The following DLGAP2 variants were observed in gnomAD, a reference collection of about 807,000 sequenced individuals.
The protein encoded by DLGAP2 is disks large-associated protein 2.
In DLGAP2, 26 loss-of-function variants were observed where a neutral mutation model predicts 100.3. The observed-to-expected ratio is 0.26, with a 90% CI of 0.19 to 0.36. The LOEUF (loss-of-function observed/expected upper bound fraction) is 0.36. Among genes scored for constraint, DLGAP2 ranks in the 10% least tolerant of loss-of-function variants. The pLI is 1.00. For missense variants in DLGAP2, 1,858 were observed against 1,453.2 expected (o/e 1.28, Z -4.53); for synonymous variants, 886 against 630.1 (o/e 1.41, Z -6.08).
Position 1,610,808 on chromosome 8 carries a change from C to T in DLGAP2, c.1443-15932C>T, listed in dbSNP as rs532917592. Among the ~76,000 whole-genome samples the T allele has an allele frequency of 1.4e-4, 18 of 127,640 alleles. No individual in the cohort carries two copies. In the South Asian group the frequency reaches 3.7e-3, roughly 26 times the overall value. The allele number at this position is 127,640 out of a possible 152,430, so 83.7% of individuals were successfully genotyped here. ...ATCTAGAAGAAATTAATAAATTGCT[C>T]GACACATACACTGTCCCAAGACTAA... On this transcript the variant is annotated intron_variant, in intron 6 of 14. Transcript: ENST00000637795.
At chr8:1,680,856 T>A (rs192263182) in intron 12 of DLGAP2, 18 of 152,336 alleles carry the variant, frequency 1.2e-4, no homozygotes, top group African/African-American at 4.1e-4. Context: ...AAAAACTGCA[T>A]TGCCTAAGTT....
intron 2 of DLGAP2, among the ~76,000 whole-genome samples, chr8:983,316 G>A (rs886532971): frequency 2.0e-5 from 3 of 150,846 alleles, no homozygotes; most frequent in Admixed American, 1.3e-4. Flanking sequence ...TAGAATCCAC[G>A]TGTTGGTGGA....
intron 3 of DLGAP2, among the ~76,000 whole-genome samples, chr8:1,305,353 G>A (rs1438594942): frequency 1.3e-5 from 2 of 152,188 alleles, no homozygotes; most frequent in Non-Finnish European, 2.9e-5. Flanking sequence ...ATGATCTTCA[G>A]CATTATTTTG....
At chr8:801,060 C>T (rs919103791) in intron 1 of DLGAP2, among the ~76,000 whole-genome samples, 6 of 84,590 alleles carry the variant, frequency 7.1e-5, no homozygotes, top group South Asian at 1.2e-3. Context: ...ATTAACCTCT[C>T]ACCAGATCCG....
chr8:852,291 C>T (rs1057436257), intron 1 of DLGAP2, among the ~76,000 whole-genome samples: 1 of 152,200 alleles, frequency 6.6e-6, no homozygotes, highest in Non-Finnish European at 1.5e-5. Flanking sequence ...GGCCACAGGC[C>T]TGGGGCTCTG....
intron 3 of DLGAP2, among the ~76,000 whole-genome samples, chr8:1,298,349 G>A (rs1439558678): frequency 2.6e-5 from 4 of 152,140 alleles, no homozygotes; most frequent in African/African-American, 7.2e-5. Flanking sequence ...TACAGAGGCC[G>A]CGTCCTTCCA....
intron 2 of DLGAP2, among the ~76,000 whole-genome samples, chr8:1,216,311 G>T (rs550074549): frequency 6.6e-6 from 1 of 152,082 alleles, no homozygotes; most frequent in African/African-American, 2.4e-5. Flanking sequence ...CTGATATCCA[G>T]GAAGGCATGT....
chr8:760,744 G>C (rs1291306344), intron 1 of DLGAP2, among the ~76,000 whole-genome samples: 1 of 152,140 alleles, frequency 6.6e-6, no homozygotes, highest in South Asian at 2.1e-4. Flanking sequence ...GCAGGGCTTC[G>C]CGAGCGCCTC....
At chr8:998,244 A>G (rs1056865083) in intron 2 of DLGAP2, among the ~76,000 whole-genome samples, 3 of 152,208 alleles carry the variant, frequency 2.0e-5, no homozygotes, top group African/African-American at 4.8e-5. Flanking sequence ...GCACTGCTCC[A>G]TCTGTGTCAT....
chr8:1,582,694 A>T (rs1306823917), intron 6 of DLGAP2, among the ~76,000 whole-genome samples: 1 of 152,080 alleles, frequency 6.6e-6, no homozygotes, highest in African/African-American at 2.4e-5. Context: ...GGTTCAAACG[A>T]TTCTCCTGCC....
At chr8:1,197,577 G>A (rs1585143226) in intron 2 of DLGAP2, among the ~76,000 whole-genome samples, 2 of 152,298 alleles carry the variant, frequency 1.3e-5, no homozygotes, top group African/African-American at 2.4e-5. Context: ...GCCACCAGCT[G>A]TCCACCTAAA....
At chr8:911,493 T>G (rs900593490) in intron 2 of DLGAP2, among the ~76,000 whole-genome samples, 5 of 151,692 alleles carry the variant, frequency 3.3e-5, no homozygotes, top group Non-Finnish European at 5.9e-5. Context: ...TGGAGAACGT[T>G]GGAAGGATGT....
intron 1 of DLGAP2, among the ~76,000 whole-genome samples, chr8:810,303 T>C (rs767493390): frequency 3.3e-5 from 5 of 152,250 alleles, no homozygotes; most frequent in African/African-American, 1.2e-4. Context: ...CATTTTGTAC[T>C]GAAATGCTGC....
intron 6 of DLGAP2, among the ~76,000 whole-genome samples, chr8:1,598,532 C>G (rs2130696046): frequency 6.6e-6 from 1 of 152,278 alleles, no homozygotes; most frequent in African/African-American, 2.4e-5. Context: ...ATTACTGCCT[C>G]AATTTCAGAA....
chr8:1,001,343 A>C (rs1800950159), intron 2 of DLGAP2, among the ~76,000 whole-genome samples: 1 of 152,212 alleles, frequency 6.6e-6, no homozygotes. Context: ...CAAAAACATA[A>C]GTTTGTGTTA....
At chr8:1,662,034 A>C (rs1256284032) in intron 8 of DLGAP2, among the ~76,000 whole-genome samples, 1 of 152,236 alleles carries the variant, frequency 6.6e-6, no homozygotes, top group Non-Finnish European at 1.5e-5. Flanking sequence ...CCTCAGGGGA[A>C]GTACACAGTC....
rs1449181506 is a variant in DLGAP2, at chr8:1,111,044, C to G, written c.74-147807C>G. On this transcript the variant is annotated intron_variant, in intron 2 of 14. Coordinates refer to ENST00000637795, the MANE Select transcript of DLGAP2 (RefSeq NM_001346810.2). ...TGCTTGCTGGAACACATGCTCCACA[C>G]CCGTGTGCCACCTGCACGCCACAGT... is the stretch of plus-strand genomic sequence containing the variant. Among the ~76,000 whole-genome samples the G allele has an allele frequency of 2.0e-5, 3 of 152,320 alleles. No homozygotes were observed. In the East Asian group the frequency reaches 5.8e-4, roughly 29 times the overall value.
intron 1 of DLGAP2, among the ~76,000 whole-genome samples, chr8:820,680 T>G (rs1175611344): frequency 6.6e-6 from 1 of 152,240 alleles, no homozygotes; most frequent in Non-Finnish European, 1.5e-5. Flanking sequence ...AGTAGCATTT[T>G]GGGCTCATGT....
intron 2 of DLGAP2, among the ~76,000 whole-genome samples, chr8:1,031,300 T>C (rs1288263623): frequency 1.3e-5 from 2 of 152,204 alleles, no homozygotes; most frequent in African/African-American, 4.8e-5. Context: ...CTGCAGGTCA[T>C]GGGTTTGATG....
Sources: allele counts gnomAD v4.1 joint callset (sites outside exome capture counted in the v4.1 genomes callset), GRCh38; gene constraint gnomAD v4.1.1; transcripts MANE v1.5; gene names NCBI Gene and HGNC (gene_info 2026-07-23, HGNC 2026-07-21).